The following MSI2 variants were observed in gnomAD, a reference collection of about 807,000 sequenced individuals.
The protein encoded by MSI2 is musashi RNA binding protein 2.
In MSI2, 17 loss-of-function variants were observed where a neutral mutation model predicts 45.6. That is an observed-to-expected ratio of 0.37 (90% CI 0.26 to 0.56). MSI2 has a LOEUF of 0.56. Ranked by LOEUF, MSI2 falls within the 20% of genes least tolerant of loss-of-function variation. The probability of loss-of-function intolerance (pLI) is 0.77; values close to 1 mark genes in which losing one functional copy is unlikely to be tolerated. For synonymous variants in MSI2, 156 were observed against 158.2 expected (o/e 0.99, Z 0.11); for missense variants, 293 against 444.2 (o/e 0.66, Z 3.06).
At chr17:57,506,849 C>G (rs1274352825) in intron 6 of MSI2, among the ~76,000 whole-genome samples, 1 of 152,122 alleles carries the variant, frequency 6.6e-6, no homozygotes, top group Non-Finnish European at 1.5e-5. Flanking sequence ...GGACTTAAAT[C>G]TCATGAAGAC....
intron 6 of MSI2, among the ~76,000 whole-genome samples, chr17:57,500,990 TTAA>T (rs1215734408): frequency 6.6e-6 from 1 of 151,842 alleles, no homozygotes; most frequent in African/African-American, 2.4e-5. Context: ...ACCAATATGA[TTAA>T]TAATAATGGC....
intron 6 of MSI2, among the ~76,000 whole-genome samples, chr17:57,501,150 G>A (rs1044160105): frequency 4.6e-5 from 7 of 152,232 alleles, no homozygotes; most frequent in South Asian, 2.1e-4. Context: ...CAAGATCGCC[G>A]TGTGGTTCCT....
chr17:57,510,025 G>C (rs2086317173), intron 6 of MSI2, among the ~76,000 whole-genome samples: 2 of 151,992 alleles, frequency 1.3e-5, no homozygotes, highest in African/African-American at 4.8e-5. Flanking sequence ...AGGCAGAAAG[G>C]GTGCATTTTT....
chr17:57,342,109 C>T (rs1915216479), intron 5 of MSI2, among the ~76,000 whole-genome samples: 2 of 152,186 alleles, frequency 1.3e-5, no homozygotes, highest in South Asian at 2.1e-4. Flanking sequence ...CTTTGTCTCT[C>T]CTCTCATTAG....
At chr17:57,281,367 G>T (rs6503803) in intron 5 of MSI2, among the ~76,000 whole-genome samples, 121,331 of 152,156 alleles carry the variant, frequency 0.8, 48,563 homozygotes, top group Middle Eastern at 0.88. Context: ...ACTCTTCCCC[G>T]TCTCTCTGGT....
chr17:57,502,636 T>TATATATATATATAGAGAGAGAGAGAG lies in MSI2; in HGVS notation c.406-27039_406-27038insTATATATATATAGAGAGAGAGAGAGA. On this transcript the variant is annotated intron_variant, in intron 6 of 13. Transcript: ENST00000284073. ...ATATATATATATATATATATATATA[T>TATATATATATATAGAGAGAGAGAGAG]AGTCATCATTCTGTCATGCAGGAAG... Among the ~76,000 whole-genome samples, 21 of 96,916 alleles carry TATATATATATATAGAGAGAGAGAGAG rather than the reference T, an allele frequency of 2.2e-4. 2 individuals carry two copies. The highest frequency in any genetic ancestry group is 4.0e-4 in the Admixed American group (3 of 7,454). The allele number at this position is 96,916 out of a possible 152,430, so 63.6% of individuals were successfully genotyped here.
At chr17:57,663,972 T>C (rs8081171) in intron 11 of MSI2, among the ~76,000 whole-genome samples, 9,628 of 151,944 alleles carry the variant, frequency 0.063, 344 homozygotes, top group Middle Eastern at 0.12. Context: ...AGAGGTTGCC[T>C]TGTTGATTAC....
At chr17:57,265,965 A>G (rs1907729885) in intron 5 of MSI2, 1 of 152,128 alleles carries the variant, frequency 6.6e-6, no homozygotes, top group Admixed American at 6.5e-5. Flanking sequence ...ATGTGGAGGA[A>G]CCAAGAGACT....
Position 57,680,057 on chromosome 17 carries a change from A to T in MSI2, c.*540A>T, listed in dbSNP as rs1382519186. The T allele has an allele frequency of 1.8e-5, 4 of 228,102 alleles. No individual in the cohort carries two copies. The highest frequency in any genetic ancestry group is 6.7e-5 in the African/African-American group (3 of 45,042). 14.1% of individuals were successfully genotyped at this position (228,102 alleles called of 1,614,324 possible). A position where few individuals can be genotyped will look rare whatever the true frequency, so the allele number is the denominator to read the frequency against. On this transcript the variant is annotated 3_prime_UTR_variant, in exon 14 of 14. Coordinates refer to ENST00000284073, the MANE Select transcript of MSI2 (RefSeq NM_138962.4). ...CAATTCTGAGACTGTATGAATTTTC[A>T]GGTGGAACTTTAGCACACACTGAAG...
At position 57,680,403 on chromosome 17, in the gene MSI2, A is replaced by AT. The variant is rs558171731; in HGVS notation, c.*887dup. ...ACTATTAAGAAAGAGAGAATCAAAA[A>AT]TATTTTTGTGAGGGAGTCGGTCCCA... On this transcript the variant is annotated 3_prime_UTR_variant, in exon 14 of 14. Coordinates refer to ENST00000284073, the MANE Select transcript of MSI2 (RefSeq NM_138962.4). 2.2e-3 allele frequency: 499 copies of AT among 227,856 alleles called. 1 individual carries two copies. The highest frequency in any genetic ancestry group is 9.3e-3 in the African/African-American group (419 of 45,112). The allele number at this position is 227,856 out of a possible 1,614,324, so 14.1% of individuals were successfully genotyped here. A position where few individuals can be genotyped will look rare whatever the true frequency, so the allele number is the denominator to read the frequency against.
intron 7 of MSI2, among the ~76,000 whole-genome samples, chr17:57,583,224 A>G (rs1383196463): frequency 1.3e-5 from 2 of 152,216 alleles, no homozygotes. Context: ...AGATCGCATA[A>G]TCTATACCTC....
chr17:57,604,146 G>A (rs940675687), intron 8 of MSI2, among the ~76,000 whole-genome samples: 1 of 152,184 alleles, frequency 6.6e-6, no homozygotes, highest in Non-Finnish European at 1.5e-5. Flanking sequence ...TGTGGCCTTG[G>A]GCAAGTTACT....
In MSI2 at chr17:57,652,237, C is replaced by T; in HGVS notation, c.790+76C>T. The T allele has an allele frequency of 7.2e-6, 10 of 1,383,840 alleles. No individual in the cohort carries two copies. Among genetic ancestry groups the T allele is most frequent in the Non-Finnish European group, 1.0e-5 (10 of 975,250 alleles). The allele number at this position is 1,383,840 out of a possible 1,614,324, so 85.7% of individuals were successfully genotyped here. On this transcript the variant is annotated intron_variant, in intron 11 of 13. Coordinates refer to ENST00000284073, the MANE Select transcript of MSI2 (RefSeq NM_138962.4). This position sits in a 1 kb window ranked among gnomAD's most constrained non-coding sequence, Gnocchi z 4.1. ...GGGGGAGGTCAAGGCCCTGTCGGAT[C>T]TGTGTGGCTGCATCTGTCCAACACC...
intron 5 of MSI2, among the ~76,000 whole-genome samples, chr17:57,371,524 C>CA (rs1163827238): frequency 7.5e-6 from 1 of 132,494 alleles, no homozygotes; most frequent in Non-Finnish European, 1.6e-5. Context: ...AAAAAAAGGG[C>CA]AAAAAATTAT....
chr17:57,379,133 A>G (rs865840791), intron 5 of MSI2, among the ~76,000 whole-genome samples: 36 of 150,428 alleles, frequency 2.4e-4, no homozygotes, highest in African/African-American at 8.1e-4. Context: ...CCCTTCAGGA[A>G]CAAAACCCTG....
intron 6 of MSI2, among the ~76,000 whole-genome samples, chr17:57,437,569 T>C (rs539867042): frequency 6.6e-6 from 1 of 152,212 alleles, no homozygotes; most frequent in African/African-American, 2.4e-5. Context: ...AGAATTCCAA[T>C]GTTCACTGCA....
intron 5 of MSI2, among the ~76,000 whole-genome samples, chr17:57,360,529 G>T (rs139055646): frequency 1.3e-4 from 20 of 152,346 alleles, no homozygotes; most frequent in South Asian, 2.1e-4. Context: ...CCTGGCCCGT[G>T]AGGGCCATAG....
At chr17:57,690,014 T>C in the MSI2 span, among the ~76,000 whole-genome samples, 1 of 152,192 alleles carries the variant, frequency 6.6e-6, no homozygotes, top group African/African-American at 2.4e-5. Flanking sequence ...GGCGAAGACA[T>C]TGGGTCATAT....
intron 5 of MSI2, among the ~76,000 whole-genome samples, chr17:57,314,648 T>C (rs1912700660): frequency 7.1e-6 from 1 of 141,524 alleles, no homozygotes; most frequent in Admixed American, 7.8e-5. Flanking sequence ...CTCGGCTCAC[T>C]GCAACCTCCC....
Sources: gnomAD v4.1 joint callset for allele counts (sites outside exome capture counted in the v4.1 genomes callset) on GRCh38, gnomAD v4.1.1 for gene constraint, Gnocchi (gnomAD v3.1) non-coding constraint, MANE v1.5 for transcripts, NCBI Gene and HGNC (gene_info 2026-07-23, HGNC 2026-07-21) for gene names.